Variants in STIM1 observed in about 807,000 individuals in gnomAD.
The protein encoded by STIM1 is stromal interaction molecule 1.
STIM1 carries 25 observed loss-of-function variants against 74.7 expected under a neutral mutation model. That is an observed-to-expected ratio of 0.33 (90% CI 0.24 to 0.47). The LOEUF (loss-of-function observed/expected upper bound fraction) is 0.47. Ranked by LOEUF, STIM1 falls within the 20% of genes least tolerant of loss-of-function variation. STIM1 has a pLI of 1.00. For synonymous variants in STIM1, 328 were observed against 348.8 expected (o/e 0.94, Z 0.66); for missense variants, 728 against 920.8 (o/e 0.79, Z 2.71).
chr11:3,909,778 C>T (rs928828380), intron 1 of STIM1, among the ~76,000 whole-genome samples: 1 of 134,158 alleles, frequency 7.5e-6, no homozygotes, highest in Non-Finnish European at 1.5e-5. Context: ...GGTGACAGAG[C>T]GAGACTCCAT....
intron 1 of STIM1, among the ~76,000 whole-genome samples, chr11:3,928,890 A>G (rs1296109493): frequency 6.6e-6 from 1 of 152,122 alleles, no homozygotes; most frequent in East Asian, 1.9e-4. Flanking sequence ...TCCTCGAGAC[A>G]GACTCTCACT....
At chr11:4,074,288 T>A (rs1436955997) in intron 6 of STIM1, among the ~76,000 whole-genome samples, 6 of 152,266 alleles carry the variant, frequency 3.9e-5, no homozygotes, top group Non-Finnish European at 7.3e-5. Flanking sequence ...TAGCCTTGAT[T>A]ACTGGCAGCA....
intron 1 of STIM1, among the ~76,000 whole-genome samples, chr11:3,864,492 TG>T (rs2090771539): frequency 6.6e-6 from 1 of 152,160 alleles, no homozygotes; most frequent in South Asian, 2.1e-4. Flanking sequence ...CTTGGTTCCT[TG>T]CCATATGGGC....
At chr11:4,057,194 T>A (rs927400875) in intron 4 of STIM1, among the ~76,000 whole-genome samples, 1 of 152,228 alleles carries the variant, frequency 6.6e-6, no homozygotes, top group Non-Finnish European at 1.5e-5. Flanking sequence ...AATAGCAATA[T>A]TGCCTTGTGG....
At chr11:4,077,837 G>A (rs1590693997) in intron 7 of STIM1, among the ~76,000 whole-genome samples, 1 of 152,214 alleles carries the variant, frequency 6.6e-6, no homozygotes, top group South Asian at 2.1e-4. Context: ...CTCAGACAAT[G>A]TATTTTTCAA....
intron 1 of STIM1, chr11:3,892,467 C>T (rs1407896117): frequency 1.3e-6 from 2 of 1,503,478 alleles, no homozygotes; most frequent in Non-Finnish European, 1.8e-6. Context: ...TGCTCTATGG[C>T]CTCCACAATA....
chr11:3,971,396 G>A (rs975827593), intron 2 of STIM1, among the ~76,000 whole-genome samples: 4 of 152,118 alleles, frequency 2.6e-5, no homozygotes, highest in Non-Finnish European at 4.4e-5. Flanking sequence ...GGGCGTGGTG[G>A]CGGGCGCCTG....
At chr11:3,982,298 G>C (rs2923956) in intron 2 of STIM1, among the ~76,000 whole-genome samples, 60,506 of 151,252 alleles carry the variant, frequency 0.4, 13,330 homozygotes, top group Admixed American at 0.5. Context: ...CCAAAATCCT[G>C]GGATCGTAAA....
intron 2 of STIM1, among the ~76,000 whole-genome samples, chr11:4,007,029 GA>G (rs1374879345): frequency 3.9e-5 from 6 of 152,140 alleles, no homozygotes; most frequent in Non-Finnish European, 5.9e-5. Flanking sequence ...AAATTATAGA[GA>G]GATGTCTCCC....
intron 12 of STIM1, chr11:4,088,904 G>A (rs2094508128): frequency 1.5e-6 from 1 of 689,464 alleles, no homozygotes; most frequent in East Asian, 3.0e-5. Flanking sequence ...TGCTTTGGCA[G>A]TCCCAACTTT....
At chr11:3,913,067 A>G (rs1255516703) in intron 1 of STIM1, among the ~76,000 whole-genome samples, 2 of 152,212 alleles carry the variant, frequency 1.3e-5, no homozygotes, top group Non-Finnish European at 2.9e-5. Context: ...CTGCTTAACT[A>G]TTATGAGAGA....
chr11:3,916,023 A>T (rs2092637648), intron 1 of STIM1, among the ~76,000 whole-genome samples: 1 of 20,878 alleles, frequency 4.8e-5, no homozygotes, highest in Admixed American at 6.7e-4. Flanking sequence ...GTGCCACTGC[A>T]CTCCAGCCTG....
At chr11:4,036,685 C>T (rs1334861797) in intron 3 of STIM1, among the ~76,000 whole-genome samples, 1 of 152,138 alleles carries the variant, frequency 6.6e-6, no homozygotes, top group African/African-American at 2.4e-5. Context: ...GTCTTTTGCC[C>T]ACTTTTTAAT....
At position 3,974,185 on chromosome 11, in the gene STIM1, T is replaced by C. The variant is rs553975072; in HGVS notation, c.270+6503T>C. ...GTCATTTCAAAGCTCAACTCTCTGA[T>C]GAAGAACTTCTACAGCTGTTGGGAC... On this transcript the variant is annotated intron_variant, in intron 2 of 12. Transcript: ENST00000526596. 5.6e-6 allele frequency: 3 copies of C among 532,382 alleles called. No homozygotes were observed. In the African/African-American group the frequency reaches 5.7e-5, roughly 10 times the overall value. The allele number at this position is 532,382 out of a possible 1,614,324, so 33.0% of individuals were successfully genotyped here. A position where few individuals can be genotyped will look rare whatever the true frequency, so the allele number is the denominator to read the frequency against.
At chr11:4,073,321 C>T in intron 6 of STIM1, among the ~76,000 whole-genome samples, 1 of 152,278 alleles carries the variant, frequency 6.6e-6, no homozygotes, top group African/African-American at 2.4e-5. Flanking sequence ...AACTCTCAGT[C>T]TTTGTTCTGG....
At chr11:3,859,643 C>A (rs2090521313) in intron 1 of STIM1, among the ~76,000 whole-genome samples, 1 of 152,198 alleles carries the variant, frequency 6.6e-6, no homozygotes. Context: ...TCTCAATCAA[C>A]CTCTGATGGA....
intron 6 of STIM1, among the ~76,000 whole-genome samples, chr11:4,072,418 AG>A (rs2094409675): frequency 6.6e-6 from 1 of 152,210 alleles, no homozygotes; most frequent in Non-Finnish European, 1.5e-5. Flanking sequence ...TTGAGTTTCA[AG>A]ATAATTATTT....
intron 3 of STIM1, among the ~76,000 whole-genome samples, chr11:4,050,535 A>G (rs1765568611): frequency 6.6e-6 from 1 of 152,212 alleles, no homozygotes; most frequent in African/African-American, 2.4e-5. Flanking sequence ...TTATGAATGT[A>G]TATTTTGTGT....
chr11:3,941,041 G>C (rs1037177914), intron 1 of STIM1, among the ~76,000 whole-genome samples: 2 of 152,146 alleles, frequency 1.3e-5, no homozygotes, highest in African/African-American at 4.8e-5. Context: ...TGGAGATGTT[G>C]ATAATGATAC....
Sources: allele counts gnomAD v4.1 joint callset (sites outside exome capture counted in the v4.1 genomes callset), GRCh38; gene constraint gnomAD v4.1.1; transcripts MANE v1.5; gene names NCBI Gene and HGNC (gene_info 2026-07-23, HGNC 2026-07-21).